The following R3HDM1 variants were observed in gnomAD, a reference collection of about 807,000 sequenced individuals.
R3HDM1 encodes R3H domain-containing protein 1.
R3HDM1 carries 46 observed loss-of-function variants against 141.1 expected under a neutral mutation model. That is an observed-to-expected ratio of 0.33 (90% CI 0.26 to 0.42). The LOEUF is 0.42. Ranked by LOEUF, R3HDM1 falls within the 10% of genes least tolerant of loss-of-function variation. The pLI is 1.00. For missense variants in R3HDM1, 1,184 were observed against 1,368.3 expected, an observed-to-expected ratio of 0.87 and a Z score of 2.12; for synonymous variants, 435 against 472.9, an observed-to-expected ratio of 0.92 and a Z score of 1.04.
At chr2:135,649,279 A>ATGG (rs2064864385) in intron 16 of R3HDM1, 1 of 151,804 alleles carries the variant, frequency 6.6e-6, no homozygotes, top group Admixed American at 6.6e-5. Flanking sequence ...GTTAGCCAGG[A>ATGG]TGGTCTCAAT....
chr2:135,664,221 T>G (rs1028985452), intron 19 of R3HDM1, among the ~76,000 whole-genome samples: 20 of 152,176 alleles, frequency 1.3e-4, no homozygotes, highest in African/African-American at 1.9e-4. Flanking sequence ...GGTTTCCTTT[T>G]GGTTTTTATT....
At chr2:135,549,991 A>G (rs1463024843) in intron 1 of R3HDM1, 1 of 969,044 alleles carries the variant, frequency 1.0e-6, no homozygotes, top group Non-Finnish European at 1.2e-6. Context: ...GGTAAAGATT[A>G]TTGTCAGTTC....
Position 135,706,649 on chromosome 2 carries a change from C to T in R3HDM1, c.2460-2784C>T, listed in dbSNP as rs373388509. Reference sequence around the variant, plus strand: ...CTTGCACCGCCCTTAATCCATTTAACCCTGAGTGGACACAGCACATGTTTC... The same window carrying T: ...CTTGCACCGCCCTTAATCCATTTAATCCTGAGTGGACACAGCACATGTTTC... On this transcript the variant is annotated intron_variant, in intron 21 of 26. Transcript: ENST00000683871. 9.9e-5 allele frequency among the ~76,000 whole-genome samples: 15 copies of T among 152,206 alleles called. No homozygotes were observed. The East Asian group carries it at 2.7e-3, about 27-fold the overall frequency.
intron 21 of R3HDM1, among the ~76,000 whole-genome samples, chr2:135,703,860 AT>A (rs1425815420): frequency 3.3e-5 from 5 of 152,218 alleles, no homozygotes; most frequent in African/African-American, 4.8e-5. Flanking sequence ...CACAAAAAAT[AT>A]ATATAAAATG....
intron 16 of R3HDM1, 116 bp downstream of exon 16, chr2:135,645,643 C>A: frequency 3.2e-6 from 4 of 1,260,596 alleles, no homozygotes; most frequent in East Asian, 2.4e-5. Context: ...TAATATTCTG[C>A]CACTAGTGAT....
intron 24 of R3HDM1, among the ~76,000 whole-genome samples, chr2:135,717,323 A>G (rs1298048339): frequency 6.6e-6 from 1 of 152,138 alleles, no homozygotes; most frequent in African/African-American, 2.4e-5. Flanking sequence ...ATCTCTACTA[A>G]AAATACAAAA....
At chr2:135,644,428 G>A (rs757638752) in intron 15 of R3HDM1, among the ~76,000 whole-genome samples, 1 of 151,860 alleles carries the variant, frequency 6.6e-6, no homozygotes, top group Non-Finnish European at 1.5e-5. Flanking sequence ...GCTTGAACCC[G>A]GGGGAGGCTG....
chr2:135,650,330 T>A (rs1002694754), intron 17 of R3HDM1: 2 of 985,304 alleles, frequency 2.0e-6, no homozygotes, highest in Non-Finnish European at 2.4e-6. Flanking sequence ...GGATGGCAGC[T>A]TTCATCTGGG....
intron 14 of R3HDM1, among the ~76,000 whole-genome samples, chr2:135,641,302 G>A (rs1192788732): frequency 6.6e-6 from 1 of 152,116 alleles, no homozygotes; most frequent in African/African-American, 2.4e-5. Context: ...TTATAAATGT[G>A]CTTAAATTGC....
rs556685941 is a variant in R3HDM1, at chr2:135,605,106, T to A, written c.171+90T>A. 2.5e-6 allele frequency: 3 copies of A among 1,189,408 alleles called. No individual in the cohort carries two copies. The African/African-American group carries it at 4.7e-5, about 19-fold the overall frequency. 73.7% of individuals were successfully genotyped at this position (1,189,408 alleles called of 1,614,324 possible). A position where few individuals can be genotyped will look rare whatever the true frequency, so the allele number is the denominator to read the frequency against. On this transcript the variant is annotated intron_variant, in intron 3 of 26. Coordinates refer to ENST00000683871, the MANE Select transcript of R3HDM1 (RefSeq NM_001378107.1). ...ATACAAAACTCACTTCTCAAAATTCTAAAAGGGTAAGTTGACCCTTCGTGA... is the reference window on the plus strand; with the variant it reads ...ATACAAAACTCACTTCTCAAAATTCAAAAAGGGTAAGTTGACCCTTCGTGA...
chr2:135,636,241 G>C, intron 11 of R3HDM1, 58 bp downstream of exon 11: 1 of 1,544,526 alleles, frequency 6.5e-7, no homozygotes, highest in Non-Finnish European at 8.7e-7. Flanking sequence ...ACGTTGTAGG[G>C]TCTCAGTCTC....
chr2:135,620,343 T>A (rs1488798244), intron 5 of R3HDM1: 31 of 870,860 alleles, frequency 3.6e-5, no homozygotes, highest in Non-Finnish European at 4.3e-5. Flanking sequence ...ATGAAAAGCG[T>A]AAAGAAAGTG....
intron 7 of R3HDM1, among the ~76,000 whole-genome samples, chr2:135,630,525 A>T (rs1301071042): frequency 6.6e-6 from 1 of 152,102 alleles, no homozygotes; most frequent in Non-Finnish European, 1.5e-5. Context: ...AAATATAAAA[A>T]TGTAAGTTAA....
rs78758486 is a variant in R3HDM1, at chr2:135,575,849, A to G, written c.-249-26651A>G. ...CTGAAATTAATGCATTCACAGTAAA[A>G]ACACCAAGAAGCCTTTTTTACTTTT... On this transcript the variant is annotated intron_variant, in intron 1 of 26. Transcript: ENST00000683871. Among the ~76,000 whole-genome samples, 724 of 152,332 alleles carry G rather than the reference A, an allele frequency of 4.8e-3. 2 individuals are homozygous for G. Among genetic ancestry groups the G allele is most frequent in the Non-Finnish European group, 7.7e-3 (522 of 68,022 alleles).
At chr2:135,715,509 C>A in intron 23 of R3HDM1, 41 bp from the exon 24 acceptor site, 1 of 1,588,168 alleles carries the variant, frequency 6.3e-7, no homozygotes, top group Non-Finnish European at 8.6e-7. Context: ...ATAAGCCTGC[C>A]CAAAATGCTG....
intron 1 of R3HDM1, among the ~76,000 whole-genome samples, chr2:135,552,305 C>T (rs1283417184): frequency 6.6e-6 from 1 of 151,980 alleles, no homozygotes; most frequent in African/African-American, 2.4e-5. Context: ...AAGCAATTCT[C>T]CCCCCTCAGC....
rs111712655 is a variant in R3HDM1 at position 135,710,737 on chromosome 2, A to T, written c.2736+506A>T. 3.6e-3 allele frequency among the ~76,000 whole-genome samples: 543 copies of T among 152,374 alleles called. 4 individuals carry two copies. Among genetic ancestry groups the T allele is most frequent in the African/African-American group, 0.01 (427 of 41,596 alleles). ...TATTCAAAAAAGTGTTTTCTAACTT[A>T]AAAAGATAAACTAGATCTAAAATTT... On this transcript the variant is annotated intron_variant, in intron 23 of 26. Transcript: ENST00000683871.
rs777578666 is a variant in R3HDM1, at chr2:135,617,200, G to A, written c.303+443G>A. Reference sequence around the variant, plus strand: ...AAATTAGCCGGGCATGGTGGTGGGCGCCTGTAGTCCCAGCTACTCGGGAGG... The same window carrying A: ...AAATTAGCCGGGCATGGTGGTGGGCACCTGTAGTCCCAGCTACTCGGGAGG... On this transcript the variant is annotated intron_variant, in intron 5 of 26. Transcript: ENST00000683871. Among the ~76,000 whole-genome samples, 130 of 152,096 alleles carry A rather than the reference G, an allele frequency of 8.5e-4. 1 individual carries two copies. Among genetic ancestry groups the A allele is most frequent in the African/African-American group, 3.0e-3 (124 of 41,484 alleles).
chr2:135,646,674 C>A (rs1352324484), intron 16 of R3HDM1, among the ~76,000 whole-genome samples: 1 of 150,398 alleles, frequency 6.6e-6, no homozygotes, highest in Non-Finnish European at 1.5e-5. Flanking sequence ...ATGGTGAAAC[C>A]CCCGTCTCTA....
Sources: allele counts gnomAD v4.1 joint callset (sites outside exome capture counted in the v4.1 genomes callset), GRCh38; gene constraint gnomAD v4.1.1; transcripts MANE v1.5; gene names NCBI Gene and HGNC (gene_info 2026-07-23, HGNC 2026-07-21).